Variants in SNX13 observed in about 807,000 individuals in gnomAD.
SNX13 encodes sorting nexin-13.
SNX13 carries 45 observed loss-of-function variants against 133.6 expected under a neutral mutation model. The observed-to-expected ratio is 0.34, with a 90% CI of 0.27 to 0.43. The LOEUF (loss-of-function observed/expected upper bound fraction) is 0.43. SNX13 is among the 20% of genes least tolerant of loss of function. The probability of loss-of-function intolerance (pLI) is 1.00; values close to 1 mark genes in which losing one functional copy is unlikely to be tolerated. For missense variants in SNX13, 1,032 were observed against 1,145.1 expected, an observed-to-expected ratio of 0.90 and a Z score of 1.43; for synonymous variants, 414 against 373.9, an observed-to-expected ratio of 1.11 and a Z score of -1.24.
chr7:17,815,814 A>C (rs1313691356), intron 19 of SNX13, among the ~76,000 whole-genome samples: 1 of 152,190 alleles, frequency 6.6e-6, no homozygotes, highest in African/African-American at 2.4e-5. Context: ...TTTAGGATAA[A>C]AGATTTGGGA....
At chr7:17,937,564 A>C (rs1256178669) in intron 1 of SNX13, among the ~76,000 whole-genome samples, 1 of 152,058 alleles carries the variant, frequency 6.6e-6, no homozygotes, top group Admixed American at 6.6e-5. Context: ...CAAAACTGAA[A>C]AGTTTCATAT....
chr7:17,804,058 T>C (rs1784918621), intron 20 of SNX13, among the ~76,000 whole-genome samples: 1 of 151,890 alleles, frequency 6.6e-6, no homozygotes, highest in Non-Finnish European at 1.5e-5. Context: ...AGTGAGACCC[T>C]TGTCACAAAA....
chr7:17,874,698 A>C (rs1221020728), intron 7 of SNX13, among the ~76,000 whole-genome samples: 1 of 152,226 alleles, frequency 6.6e-6, no homozygotes, highest in South Asian at 2.1e-4. Flanking sequence ...CTGGGAATAT[A>C]ATTGCATAAG....
At chr7:17,898,439 CTTTA>C (rs971575287) in intron 1 of SNX13, 4 of 152,118 alleles carry the variant, frequency 2.6e-5, no homozygotes, top group Non-Finnish European at 4.4e-5. Flanking sequence ...GAAAGGAGGG[CTTTA>C]TTTATTCATT....
chr7:17,846,607 T>C (rs374519290), intron 11 of SNX13, among the ~76,000 whole-genome samples: 2 of 152,102 alleles, frequency 1.3e-5, no homozygotes, highest in African/African-American at 4.8e-5. Context: ...TAGGCTGCCA[T>C]ATTCAGAGGC....
chr7:17,869,327 C>T (rs1402573025), intron 8 of SNX13, among the ~76,000 whole-genome samples: 1 of 152,082 alleles, frequency 6.6e-6, no homozygotes, highest in Non-Finnish European at 1.5e-5. Flanking sequence ...TTACCTTCCT[C>T]ATCCCATCTT....
intron 1 of SNX13, among the ~76,000 whole-genome samples, chr7:17,911,257 G>A (rs1798947163): frequency 2.0e-5 from 3 of 152,118 alleles, no homozygotes; most frequent in Non-Finnish European, 4.4e-5. Context: ...ATAAAGAATT[G>A]TATCATATAG....
intron 1 of SNX13, among the ~76,000 whole-genome samples, chr7:17,939,306 G>T (rs1263516577): frequency 6.6e-6 from 1 of 152,124 alleles, no homozygotes; most frequent in Non-Finnish European, 1.5e-5. Flanking sequence ...GCCCAATCCG[G>T]TCAGTTCCTC....
chr7:17,863,397 T>A (rs1298168524), intron 9 of SNX13, among the ~76,000 whole-genome samples: 1 of 151,906 alleles, frequency 6.6e-6, no homozygotes, highest in Non-Finnish European at 1.5e-5. Context: ...CCAGGCAGTG[T>A]AACTCCAGCA....
chr7:17,831,945 T>C lies in SNX13; in HGVS notation c.1598-1898A>G, dbSNP rs1788538302. ...CTTTAAATAGTAATGTTTCATATTA[T>C]ACCCATCACTCCATATACTTTTTTT... On this transcript the variant is annotated intron_variant, in intron 15 of 25. Transcript: ENST00000428135. 6.1e-6 allele frequency: 6 copies of C among 983,762 alleles called. No homozygotes were observed. The Admixed American group carries it at 2.5e-4, about 41-fold the overall frequency. 60.9% of individuals were successfully genotyped at this position (983,762 alleles called of 1,614,324 possible).
chr7:17,932,180 T>C (rs899615423), intron 1 of SNX13, among the ~76,000 whole-genome samples: 8 of 152,218 alleles, frequency 5.3e-5, no homozygotes, highest in African/African-American at 1.7e-4. Flanking sequence ...GTAATATTAA[T>C]GAAATCATAA....
At chr7:17,915,274 C>A (rs188494438) in intron 1 of SNX13, among the ~76,000 whole-genome samples, 1 of 152,168 alleles carries the variant, frequency 6.6e-6, no homozygotes, top group Non-Finnish European at 1.5e-5. Context: ...ATGCAGCTGA[C>A]CCTTACCCTG....
intron 20 of SNX13, among the ~76,000 whole-genome samples, chr7:17,805,255 G>GTGTGTGTGTGTGCGCGCGCGCA (rs772458913): frequency 2.3e-5 from 2 of 86,764 alleles, no homozygotes; most frequent in Non-Finnish European, 5.6e-5. Flanking sequence ...GTGTGTGCGT[G>GTGTGTGTGTGTGCGCGCGCGCA]CGCGCGCGCG....
chr7:17,804,882 A>G (rs1326141467), intron 20 of SNX13, among the ~76,000 whole-genome samples: 3 of 152,202 alleles, frequency 2.0e-5, no homozygotes, highest in Non-Finnish European at 1.5e-5. Flanking sequence ...TAAGAAGACA[A>G]AACTCCTTCA....
intron 1 of SNX13, among the ~76,000 whole-genome samples, chr7:17,936,190 TAA>T (rs1403169799): frequency 1.3e-4 from 20 of 152,244 alleles, no homozygotes; most frequent in Admixed American, 2.0e-4. Context: ...CTAACTATGT[TAA>T]GTCATCCAGA....
intron 1 of SNX13, among the ~76,000 whole-genome samples, chr7:17,926,911 A>C (rs1800813162): frequency 6.6e-6 from 1 of 152,104 alleles, no homozygotes; most frequent in Admixed American, 6.6e-5. Context: ...ATAGACTACT[A>C]CTCCAAAGAA....
intron 15 of SNX13, 139 bp downstream of exon 15, chr7:17,833,913 T>C (rs1418529313): frequency 3.7e-6 from 2 of 542,708 alleles, no homozygotes; most frequent in Non-Finnish European, 5.6e-6. Flanking sequence ...AACTTTGTCA[T>C]TCATTTGTAG....
At position 17,906,951 on chromosome 7, in the gene SNX13, G is replaced by C. The variant is rs574709134; in HGVS notation, c.13-9505C>G. ...AAATCATCCTGTGAGTTCATTTGGT[G>C]TATCAGGTGTTCAGATTTTGAAAGC... is the stretch of plus-strand genomic sequence containing the variant. On this transcript the variant is annotated intron_variant, in intron 1 of 25. Transcript: ENST00000428135. Among the ~76,000 whole-genome samples, 32 of 152,280 alleles carry C rather than the reference G, an allele frequency of 2.1e-4. No individual in the cohort carries two copies. The South Asian group carries it at 6.4e-3, about 31-fold the overall frequency.
chr7:17,904,299 G>C (rs1307718058), intron 1 of SNX13, among the ~76,000 whole-genome samples: 1 of 152,188 alleles, frequency 6.6e-6, no homozygotes, highest in Non-Finnish European at 1.5e-5. Flanking sequence ...ATACCCATCA[G>C]CACCATGAAG....
Sources: allele counts gnomAD v4.1 joint callset (sites outside exome capture counted in the v4.1 genomes callset), GRCh38; gene constraint gnomAD v4.1.1; transcripts MANE v1.5; gene names NCBI Gene and HGNC (gene_info 2026-07-23, HGNC 2026-07-21).